Variants in KCNQ5 observed in about 807,000 individuals in gnomAD.
The protein encoded by KCNQ5 is potassium voltage-gated channel subfamily Q member 5.
Under a neutral mutation model 98.2 loss-of-function variants are expected in KCNQ5, and 30 were observed. The ratio of observed to expected loss-of-function variants is 0.31; its 90% CI spans 0.23 to 0.41. The LOEUF (loss-of-function observed/expected upper bound fraction) is 0.41, where lower values mean the gene tolerates loss of function less well. KCNQ5 is among the 10% of genes least tolerant of loss of function. The pLI is 1.00. For missense variants in KCNQ5, 835 were observed against 1,182.5 expected (o/e 0.71, Z 4.31); for synonymous variants, 458 against 449.4 (o/e 1.02, Z -0.24).
chr6:73,151,268 T>G (rs1448870148), intron 10 of KCNQ5, among the ~76,000 whole-genome samples: 4 of 152,230 alleles, frequency 2.6e-5, no homozygotes, highest in Admixed American at 2.6e-4. Context: ...GCAGCCATTT[T>G]CTATTTATTT....
chr6:73,137,651 T>G (rs1776525041), intron 10 of KCNQ5, among the ~76,000 whole-genome samples: 1 of 152,204 alleles, frequency 6.6e-6, no homozygotes, highest in South Asian at 2.1e-4. Flanking sequence ...TATTATTTTA[T>G]TTAATTCTGT....
intron 3 of KCNQ5, 79 bp from the exon 4 acceptor site, chr6:73,077,243 A>C: frequency 1.4e-6 from 2 of 1,389,316 alleles, no homozygotes; most frequent in Non-Finnish European, 2.0e-6. Context: ...GGTCAAAGTG[A>C]ACCTTTTGGA....
At chr6:72,967,384 A>C (rs1056226887) in intron 1 of KCNQ5, among the ~76,000 whole-genome samples, 15 of 152,202 alleles carry the variant, frequency 9.9e-5, no homozygotes, top group Non-Finnish European at 7.3e-5. Context: ...AAAGACAAAA[A>C]AATATCCCTT....
At chr6:73,139,337 C>T (rs1776613513) in intron 10 of KCNQ5, among the ~76,000 whole-genome samples, 1 of 152,124 alleles carries the variant, frequency 6.6e-6, no homozygotes, top group Admixed American at 6.6e-5. Flanking sequence ...GGCCAGACTC[C>T]CCTAAAGCAC....
chr6:73,027,639 G>C (rs1486658449), intron 2 of KCNQ5, among the ~76,000 whole-genome samples: 2 of 152,144 alleles, frequency 1.3e-5, no homozygotes, highest in Admixed American at 1.3e-4. Context: ...GCTATTAAGG[G>C]TCTTGAAAAG....
chr6:73,048,645 A>G (rs1445166777), intron 3 of KCNQ5, among the ~76,000 whole-genome samples: 3 of 152,252 alleles, frequency 2.0e-5, no homozygotes, highest in African/African-American at 4.8e-5. Flanking sequence ...TTGGAACTTC[A>G]TATCAGCAAT....
At chr6:73,055,673 C>A (rs1772452360) in intron 3 of KCNQ5, 3 of 1,129,970 alleles carry the variant, frequency 2.7e-6, no homozygotes, top group Admixed American at 1.7e-5. Context: ...CACTGACAAG[C>A]ATCTGAAGGG....
chr6:72,731,245 G>A (rs1770537708), intron 1 of KCNQ5, among the ~76,000 whole-genome samples: 1 of 152,134 alleles, frequency 6.6e-6, no homozygotes, highest in Admixed American at 6.6e-5. Flanking sequence ...TCCCATCCAA[G>A]GAAAGCCACC....
chr6:73,175,174 G>C (rs1256234681), intron 11 of KCNQ5, among the ~76,000 whole-genome samples: 1 of 151,340 alleles, frequency 6.6e-6, no homozygotes, highest in Non-Finnish European at 1.5e-5. Context: ...TTTTGAAACA[G>C]AGTTTCACTC....
At chr6:73,013,883 C>T (rs936680949) in intron 2 of KCNQ5, among the ~76,000 whole-genome samples, 2 of 152,144 alleles carry the variant, frequency 1.3e-5, no homozygotes, top group Non-Finnish European at 2.9e-5. Context: ...TAAAGAGTTC[C>T]ACTTACCAAG....
At chr6:73,164,607 C>T (rs961909752) in intron 10 of KCNQ5, among the ~76,000 whole-genome samples, 2 of 152,062 alleles carry the variant, frequency 1.3e-5, no homozygotes, top group African/African-American at 4.8e-5. Context: ...CTGGGATGTT[C>T]GCAGGTTCAT....
chr6:72,747,033 T>C (rs1001970104), intron 1 of KCNQ5, among the ~76,000 whole-genome samples: 1 of 152,136 alleles, frequency 6.6e-6, no homozygotes, highest in African/African-American at 2.4e-5. Flanking sequence ...AATCCTTATA[T>C]TTATGTTCTA....
At chr6:73,191,446 T>C (rs1430938491) in intron 12 of KCNQ5, among the ~76,000 whole-genome samples, 1 of 152,204 alleles carries the variant, frequency 6.6e-6, no homozygotes, top group African/African-American at 2.4e-5. Flanking sequence ...ATATGGTTGA[T>C]TGTGATTATC....
chr6:72,695,909 TAAAGAA>T (rs996254043), intron 1 of KCNQ5, among the ~76,000 whole-genome samples: 10 of 152,144 alleles, frequency 6.6e-5, no homozygotes, highest in African/African-American at 2.4e-4. Flanking sequence ...AAATAAAAAA[TAAAGAA>T]AAGGTAACAA....
At chr6:73,153,955 A>G (rs1369342292) in intron 10 of KCNQ5, among the ~76,000 whole-genome samples, 1 of 150,634 alleles carries the variant, frequency 6.6e-6, no homozygotes, top group African/African-American at 2.4e-5. Context: ...GCAAAAATGC[A>G]TGGAAAATGC....
At chr6:72,887,838 G>A (rs550140648) in intron 1 of KCNQ5, among the ~76,000 whole-genome samples, 7 of 152,130 alleles carry the variant, frequency 4.6e-5, no homozygotes, top group Non-Finnish European at 8.8e-5. Context: ...TTGAAAAGAC[G>A]AAAAGGAGAA....
intron 2 of KCNQ5, among the ~76,000 whole-genome samples, chr6:73,037,464 CA>C (rs1172776913): frequency 6.6e-6 from 1 of 152,096 alleles, no homozygotes; most frequent in Non-Finnish European, 1.5e-5. Flanking sequence ...AAAATATCTC[CA>C]TTTTTTTCCT....
At chr6:72,832,855 G>A (rs1776345358) in intron 1 of KCNQ5, among the ~76,000 whole-genome samples, 1 of 152,046 alleles carries the variant, frequency 6.6e-6, no homozygotes, top group South Asian at 2.1e-4. Flanking sequence ...ACGAGGAAAG[G>A]GCTCCCACAT....
chr6:72,938,268 G>A (rs1174917724), intron 1 of KCNQ5, among the ~76,000 whole-genome samples: 2 of 152,200 alleles, frequency 1.3e-5, no homozygotes, highest in Non-Finnish European at 2.9e-5. Flanking sequence ...AGGAATGGGA[G>A]TGGAGGCAAA....
Sources: gnomAD v4.1 joint callset for allele counts (sites outside exome capture counted in the v4.1 genomes callset) on GRCh38, gnomAD v4.1.1 for gene constraint, MANE v1.5 for transcripts, NCBI Gene and HGNC (gene_info 2026-07-23, HGNC 2026-07-21) for gene names.